Variants in CCNG1 observed in about 807,000 individuals in gnomAD.
CCNG1 encodes cyclin-G1.
Under a neutral mutation model 30.0 loss-of-function variants are expected in CCNG1, and 13 were observed. The observed-to-expected ratio is 0.43, with a 90% CI of 0.28 to 0.69. CCNG1 has a LOEUF of 0.69. Ranked by LOEUF, CCNG1 falls within the 30% of genes least tolerant of loss-of-function variation. The pLI, the probability that CCNG1 is intolerant of heterozygous loss-of-function variation, is 0.16. For synonymous variants in CCNG1, 110 were observed against 121.5 expected, an observed-to-expected ratio of 0.91 and a Z score of 0.62; for missense variants, 285 against 331.4, an observed-to-expected ratio of 0.86 and a Z score of 1.09.
In CCNG1 at chr5:163,443,934, T is replaced by A. The variant is rs1459742185; in HGVS notation, c.*264T>A. 2.1e-6 allele frequency: 1 copy of A among 479,438 alleles called. No homozygotes were observed. Among genetic ancestry groups the A allele is most frequent in the Admixed American group, 3.8e-5 (1 of 26,292 alleles). 29.7% of individuals were successfully genotyped at this position (479,438 alleles called of 1,614,324 possible). On this transcript the variant is annotated 3_prime_UTR_variant, in exon 7 of 7. Coordinates refer to ENST00000340828, the MANE Select transcript of CCNG1 (RefSeq NM_004060.4). Reference sequence around the variant, plus strand: ...ATGACAAGCCTGAGAAGGTAAACTGTGAATCTTCATTTCTATCATTGATCT... The same window carrying A: ...ATGACAAGCCTGAGAAGGTAAACTGAGAATCTTCATTTCTATCATTGATCT...
chr5:163,454,009 GT>G, the CCNG1 span: 1 of 1,561,704 alleles, frequency 6.4e-7, no homozygotes, highest in Non-Finnish European at 8.7e-7. Flanking sequence ...CTTTAGTGTA[GT>G]TTCCTGAGAT....
In CCNG1 at chr5:163,444,627, G is replaced by C. The variant is rs1757980842; in HGVS notation, c.*957G>C. 1 of 152,626 alleles carries C rather than the reference G, an allele frequency of 6.6e-6. No homozygotes were observed. Among genetic ancestry groups the C allele is most frequent in the Admixed American group, 6.5e-5 (1 of 15,274 alleles). 9.5% of individuals were successfully genotyped at this position (152,626 alleles called of 1,614,324 possible). On this transcript the variant is annotated 3_prime_UTR_variant, in exon 7 of 7. Transcript: ENST00000340828. Reference sequence around the variant, plus strand: ...ACAAAAATCTTAAGAAAAGCAAGTAGACACCTTCATAACTATGAATGAAGC... The same window carrying C: ...ACAAAAATCTTAAGAAAAGCAAGTACACACCTTCATAACTATGAATGAAGC...
the CCNG1 span, chr5:163,456,824 ATGTT>A: frequency 3.4e-6 from 3 of 891,128 alleles, no homozygotes; most frequent in Admixed American, 3.3e-5. Context: ...CTTCTAGAAA[ATGTT>A]TGTAACTTTT....
chr5:163,438,709 A>G (rs1447299992), intron 1 of CCNG1, among the ~76,000 whole-genome samples: 2 of 152,194 alleles, frequency 1.3e-5, no homozygotes, highest in Non-Finnish European at 2.9e-5. Context: ...GTATTTCTTG[A>G]AGATTTGCAT....
chr5:163,455,614 A>G, the CCNG1 span, among the ~76,000 whole-genome samples: 1 of 152,166 alleles, frequency 6.6e-6, no homozygotes. Context: ...ATACAAAAAA[A>G]TTAGCCGTGC....
chr5:163,441,249 T>C lies in CCNG1; in HGVS notation c.436T>C (p.Cys146Arg), dbSNP rs1417382940. The change falls in exon 3 of 7, where the codon TGT becomes CGT. Residue 146 changes from cysteine (C) to arginine (R), a missense_variant. Physicochemically the swap from Cys to Arg is radical, Grantham distance 180 (BLOSUM62 -3). Transcript: ENST00000340828. ...RMEKIVLEKV[C>R]WKVKATTAFQ... ...GGAAAAGATTGTATTGGAGAAGGTG[T>C]GTTGGAAAGTCAAAGCTACTACTGC... The C allele has an allele frequency of 6.8e-6, 11 of 1,614,014 alleles. No homozygotes were observed. The highest frequency in any genetic ancestry group is 8.5e-6 in the Non-Finnish European group (10 of 1,179,868).
chr5:163,453,248 C>T, the CCNG1 span: 2 of 152,024 alleles, frequency 1.3e-5, no homozygotes, highest in South Asian at 4.2e-4. Context: ...ATAGACAATT[C>T]CTACCTATAT....
downstream of CCNG1, chr5:163,451,151 C>T (rs1758166393): frequency 6.6e-6 from 1 of 152,116 alleles, no homozygotes; most frequent in Non-Finnish European, 1.5e-5. Context: ...AAAAGCTAAA[C>T]TATACAAGGT....
chr5:163,452,829 A>C, the CCNG1 span: 1 of 152,220 alleles, frequency 6.6e-6, no homozygotes, highest in Non-Finnish European at 1.5e-5. Context: ...CATAATTGTC[A>C]AAAGTACTAA....
At chr5:163,440,641 T>G (rs375373228) in intron 2 of CCNG1, among the ~76,000 whole-genome samples, 1 of 152,182 alleles carries the variant, frequency 6.6e-6, no homozygotes, top group Non-Finnish European at 1.5e-5. Flanking sequence ...ATTTTAAAAC[T>G]GTTTTATATG....
At chr5:163,457,208 T>A in the CCNG1 span, 1 of 968,490 alleles carries the variant, frequency 1.0e-6, no homozygotes, top group Non-Finnish European at 1.5e-6. Context: ...CTCGGCTCAC[T>A]GAAACCTCCG....
rs1174906308 is a variant in CCNG1 at position 163,442,139 on chromosome 5, C to T, written c.692C>T (p.Ser231Phe). Residue 231 changes from serine (S) to phenylalanine (F), a missense_variant, in exon 5 of 7, where the codon TCC becomes TTC. Ser to Phe is a radical substitution (Grantham distance 155). Transcript: ENST00000340828. ...GGAATAGAATGTCTTCAGAAACATTCCAAGGTATGTGAAGGACATAGCCTA... is the reference window on the plus strand; with the variant it reads ...GGAATAGAATGTCTTCAGAAACATTTCAAGGTATGTGAAGGACATAGCCTA... Reference protein sequence around the residue: ...TEGIECLQKHSKINGRDLTFW... With the variant: ...TEGIECLQKHFKINGRDLTFW... The T allele has an allele frequency of 6.3e-7, 1 of 1,593,426 alleles. No individual in the cohort carries two copies. Among genetic ancestry groups the T allele is most frequent in the South Asian group, 1.1e-5 (1 of 90,020 alleles).
intron 1 of CCNG1, 51 bp from the exon 2 acceptor site, chr5:163,439,206 G>T (rs1757671290): frequency 2.0e-6 from 3 of 1,530,382 alleles, no homozygotes; most frequent in Non-Finnish European, 2.7e-6. Context: ...GCCAAGGAAA[G>T]CAGGAAGGAC....
chr5:163,455,735 GAAA>G, the CCNG1 span, among the ~76,000 whole-genome samples: 2 of 108,806 alleles, frequency 1.8e-5, no homozygotes, highest in Admixed American at 9.6e-5. Context: ...CTCCATCTCA[GAAA>G]AAAAAAAAAA....
chr5:163,449,635 A>T (rs1392619415), downstream of CCNG1: 1 of 152,240 alleles, frequency 6.6e-6, no homozygotes, highest in Non-Finnish European at 1.5e-5. Flanking sequence ...TTTCAAAAAA[A>T]TTTTGAAGGA....
At chr5:163,442,949 T>C (rs1395862970) in intron 6 of CCNG1, among the ~76,000 whole-genome samples, 1 of 152,072 alleles carries the variant, frequency 6.6e-6, no homozygotes, top group African/African-American at 2.4e-5. Flanking sequence ...CTGAACCAAG[T>C]ATGAACTAAT....
chr5:163,441,182 AATAAG>A lies in CCNG1; in HGVS notation c.370_374del (p.Ile124SerfsTer3). ...TCCCATTGGCAACTGACTTGATCCG[AATAAG>A]TCAATATAGGTTTACGGTTTCAGAC... On this transcript the variant is annotated frameshift_variant, in exon 3 of 7. Transcript: ENST00000340828. LOFTEE classifies it high-confidence loss of function. 1.9e-6 allele frequency: 3 copies of A among 1,614,066 alleles called. No individual in the cohort carries two copies. The highest frequency in any genetic ancestry group is 2.5e-6 in the Non-Finnish European group (3 of 1,179,934).
intron 2 of CCNG1, among the ~76,000 whole-genome samples, chr5:163,440,653 G>A (rs569805400): frequency 6.6e-6 from 1 of 152,210 alleles, no homozygotes; most frequent in South Asian, 2.1e-4. Context: ...TTTTATATGT[G>A]TTCCCACAAA....
intron 1 of CCNG1, 110 bp from the exon 2 acceptor site, chr5:163,439,147 T>C: frequency 3.3e-6 from 3 of 900,038 alleles, no homozygotes; most frequent in East Asian, 4.9e-5. Context: ...ACTAGCCGCA[T>C]TGGGGGATGG....
Sources: allele counts gnomAD v4.1 joint callset (sites outside exome capture counted in the v4.1 genomes callset), GRCh38; gene constraint gnomAD v4.1.1; transcripts MANE v1.5; gene names NCBI Gene and HGNC (gene_info 2026-07-23, HGNC 2026-07-21).